The following B4GALT6 variants were observed in gnomAD, a reference collection of about 807,000 sequenced individuals.
B4GALT6 encodes the protein UDP-Gal:beta-GlcNAc beta-1,4-galactosyltransferase 6.
In B4GALT6, 14 loss-of-function variants were observed where a neutral mutation model predicts 46.3. That is an observed-to-expected ratio of 0.30 (90% CI 0.20 to 0.47). The LOEUF (loss-of-function observed/expected upper bound fraction) is 0.47. Ranked by LOEUF, B4GALT6 falls within the 20% of genes least tolerant of loss-of-function variation. The probability of loss-of-function intolerance (pLI) is 0.99; values close to 1 mark genes in which losing one functional copy is unlikely to be tolerated. For synonymous variants in B4GALT6, 168 were observed against 162.0 expected (o/e 1.04, Z -0.28); for missense variants, 386 against 480.1 (o/e 0.80, Z 1.83).
At chr18:31,699,713 C>A in the B4GALT6 span, among the ~76,000 whole-genome samples, 56 of 147,990 alleles carry the variant, frequency 3.8e-4, no homozygotes, top group East Asian at 9.9e-3. Flanking sequence ...ACAGTGGTGA[C>A]GAGAATAATG....
At chr18:31,666,488 C>T (rs372944766) in intron 1 of B4GALT6, 116 bp from the exon 2 acceptor site, 27 of 414,456 alleles carry the variant, frequency 6.5e-5, no homozygotes, top group African/African-American at 4.9e-4. Context: ...TCAATCAGCA[C>T]GTCCAAACGC....
chr18:31,642,835 C>G (rs1006786420), intron 4 of B4GALT6, among the ~76,000 whole-genome samples: 14 of 152,214 alleles, frequency 9.2e-5, no homozygotes, highest in Admixed American at 9.2e-4. Context: ...CAAGCCTGCA[C>G]CACCACGCCC....
chr18:31,708,849 G>T, the B4GALT6 span, among the ~76,000 whole-genome samples: 1 of 152,072 alleles, frequency 6.6e-6, no homozygotes, highest in African/African-American at 2.4e-5. Flanking sequence ...TCAGGTTTTC[G>T]AATAAATGAA....
At chr18:31,652,831 C>T (rs1567970789) in intron 3 of B4GALT6, among the ~76,000 whole-genome samples, 2 of 152,112 alleles carry the variant, frequency 1.3e-5, no homozygotes, top group Admixed American at 6.6e-5. Flanking sequence ...TGTTGTTGCC[C>T]GTCGGCTTCC....
chr18:31,724,435 G>A, the B4GALT6 span: 2 of 1,041,074 alleles, frequency 1.9e-6, no homozygotes, highest in Non-Finnish European at 2.3e-6. Flanking sequence ...TCTCCCACGC[G>A]AATCGCCGCC....
chr18:31,684,421 A>G lies in B4GALT6; in HGVS notation c.6T>C (p.Ser2=). M[S]VLRRMMRVSN... ...AAACCCGCATCATCCGCCTGAGCAC[A>G]GACATCTTCCTCTTCCCTGCCAGCA... The change falls in exon 1 of 9, where the codon TCT becomes TCC. Residue 2 remains serine, a synonymous_variant. Transcript: ENST00000306851. 6.2e-7 allele frequency: 1 copy of G among 1,613,544 alleles called. No individual in the cohort carries two copies. The highest frequency in any genetic ancestry group is 8.5e-7 in the Non-Finnish European group (1 of 1,179,700).
At chr18:31,675,957 C>T (rs1437871549) in intron 1 of B4GALT6, among the ~76,000 whole-genome samples, 1 of 152,066 alleles carries the variant, frequency 6.6e-6, no homozygotes, top group African/African-American at 2.4e-5. Flanking sequence ...ACTTAGTATT[C>T]ATGAAAGGAA....
chr18:31,711,885 A>C, the B4GALT6 span, among the ~76,000 whole-genome samples: 1 of 152,210 alleles, frequency 6.6e-6, no homozygotes, highest in Non-Finnish European at 1.5e-5. Context: ...TTGAATTATT[A>C]AAAAGTAAAG....
At chr18:31,654,333 A>G (rs1002661749) in intron 3 of B4GALT6, among the ~76,000 whole-genome samples, 2 of 152,226 alleles carry the variant, frequency 1.3e-5, no homozygotes, top group African/African-American at 4.8e-5. Flanking sequence ...TTAGCCTTAG[A>G]CAAGGTGAAA....
At chr18:31,659,903 A>G (rs554090917) in intron 2 of B4GALT6, among the ~76,000 whole-genome samples, 6 of 151,962 alleles carry the variant, frequency 3.9e-5, no homozygotes, top group African/African-American at 1.4e-4. Flanking sequence ...AAAGATACCA[A>G]GCAAAAGCAA....
the B4GALT6 span, among the ~76,000 whole-genome samples, chr18:31,717,274 GAATA>G: frequency 6.6e-6 from 1 of 151,942 alleles, no homozygotes; most frequent in African/African-American, 2.4e-5. Flanking sequence ...AAAAAATAAA[GAATA>G]AACAAAAGAA....
rs1218431476 is a variant in B4GALT6 at position 31,625,602 on chromosome 18, C to T, written c.*12G>A. The T allele has an allele frequency of 1.2e-6, 2 of 1,613,392 alleles. No individual in the cohort carries two copies. The highest frequency in any genetic ancestry group is 3.3e-5 in the Admixed American group (2 of 59,840). ...AGCATTGTGGTCTACCTTGCCACGA[C>T]AGCCACTTCTTTTAATAGTCTTCGA... On this transcript the variant is annotated 3_prime_UTR_variant, in exon 9 of 9. Coordinates refer to ENST00000306851, the MANE Select transcript of B4GALT6 (RefSeq NM_004775.5).
chr18:31,639,123 C>A (rs1213608234), intron 4 of B4GALT6, among the ~76,000 whole-genome samples: 2 of 152,078 alleles, frequency 1.3e-5, no homozygotes, highest in African/African-American at 2.4e-5. Context: ...GCTAGTTAGG[C>A]AATTAGTACA....
chr18:31,629,743 G>A lies in B4GALT6; in HGVS notation c.776+1216C>T, dbSNP rs1404088404. ...CAGGCGCCTGTAGTCCCAGCTACTC[G>A]GGAAGCTGAGGCAGGAGAATGGCGT... On this transcript the variant is annotated intron_variant, in intron 6 of 8. Transcript: ENST00000306851. 4.0e-5 allele frequency among the ~76,000 whole-genome samples: 6 copies of A among 150,080 alleles called. No homozygotes were observed. In the East Asian group the frequency reaches 5.9e-4, roughly 15 times the overall value.
the B4GALT6 span, among the ~76,000 whole-genome samples, chr18:31,700,005 A>T: frequency 2.0e-5 from 3 of 152,214 alleles, no homozygotes; most frequent in African/African-American, 4.8e-5. Context: ...AGTGGGAAAG[A>T]AGAAGGATCA....
chr18:31,662,114 G>A (rs2074224493), intron 2 of B4GALT6, among the ~76,000 whole-genome samples: 1 of 152,178 alleles, frequency 6.6e-6, no homozygotes, highest in Admixed American at 6.5e-5. Context: ...TTTAGTGCTA[G>A]AATGACTGAA....
At chr18:31,675,463 T>C (rs1180687564) in intron 1 of B4GALT6, among the ~76,000 whole-genome samples, 1 of 152,246 alleles carries the variant, frequency 6.6e-6, no homozygotes, top group Non-Finnish European at 1.5e-5. Context: ...CAGCCTACTT[T>C]AACCCTAGTT....
At chr18:31,661,588 A>C (rs2074218134) in intron 2 of B4GALT6, among the ~76,000 whole-genome samples, 1 of 152,170 alleles carries the variant, frequency 6.6e-6, no homozygotes, top group Non-Finnish European at 1.5e-5. Flanking sequence ...CTTTTGTTGC[A>C]CATACCACCA....
chr18:31,638,419 T>C (rs2073888677), intron 5 of B4GALT6, among the ~76,000 whole-genome samples: 1 of 151,898 alleles, frequency 6.6e-6, no homozygotes, highest in Non-Finnish European at 1.5e-5. Flanking sequence ...CCCAGCTACT[T>C]GGGAGGCTGA....
Sources: gnomAD v4.1 joint callset for allele counts (sites outside exome capture counted in the v4.1 genomes callset) on GRCh38, gnomAD v4.1.1 for gene constraint, MANE v1.5 for transcripts, NCBI Gene and HGNC (gene_info 2026-07-23, HGNC 2026-07-21) for gene names.